SSBP3: variants seen among roughly 807,000 people sequenced by gnomAD.
SSBP3 encodes the protein single stranded DNA binding protein 3, also known as single-stranded DNA-binding protein 3.
Under a neutral mutation model 69.6 loss-of-function variants are expected in SSBP3, and 5 were observed. The observed-to-expected ratio is 0.07, with a 90% confidence interval of 0.04 to 0.15. SSBP3 has a LOEUF of 0.15. Ranked by LOEUF, SSBP3 falls within the 10% of genes least tolerant of loss-of-function variation. The pLI is 1.00. For synonymous variants in SSBP3, 196 were observed against 193.4 expected, an observed-to-expected ratio of 1.01 and a Z score of -0.11; for missense variants, 312 against 534.0, an observed-to-expected ratio of 0.58 and a Z score of 4.10.
At chr1:54,296,573 G>C (rs1294633615) in intron 4 of SSBP3, among the ~76,000 whole-genome samples, 2 of 152,198 alleles carry the variant, frequency 1.3e-5, no homozygotes, top group Non-Finnish European at 2.9e-5. Context: ...CAGCGTCAAG[G>C]GTGGCAAAGG....
chr1:54,270,570 A>G (rs1017870210), intron 5 of SSBP3, among the ~76,000 whole-genome samples: 4 of 152,222 alleles, frequency 2.6e-5, no homozygotes, highest in African/African-American at 9.6e-5. Context: ...AACCTCTTCC[A>G]CACATCAATG....
At chr1:54,268,435 A>G (rs1166703310) in intron 5 of SSBP3, among the ~76,000 whole-genome samples, 3 of 152,202 alleles carry the variant, frequency 2.0e-5, no homozygotes, top group African/African-American at 4.8e-5. Flanking sequence ...AGCTCTCCAG[A>G]CACACGGGTG....
intron 4 of SSBP3, among the ~76,000 whole-genome samples, chr1:54,389,230 T>C (rs1648304733): frequency 6.6e-6 from 1 of 152,202 alleles, no homozygotes; most frequent in African/African-American, 2.4e-5. Context: ...ACTCAATGCA[T>C]GCAATCTCTT....
At chr1:54,320,467 G>A (rs1056316983) in intron 4 of SSBP3, among the ~76,000 whole-genome samples, 9 of 144,218 alleles carry the variant, frequency 6.2e-5, no homozygotes, top group African/African-American at 1.1e-4. Context: ...ACAGGTGCCC[G>A]CCACCATGCT....
rs558278821 is a variant in SSBP3, at chr1:54,229,774, G to C, written c.928-948C>G. 5.3e-5 allele frequency among the ~76,000 whole-genome samples: 8 copies of C among 152,288 alleles called. 1 individual carries two copies. The South Asian group carries it at 1.7e-3, about 32-fold the overall frequency. On this transcript the variant is annotated intron_variant, in intron 14 of 17. Transcript: ENST00000610401. ...GGAAGGGAGTGGAGGTGGTGGAATG[G>C]AGGGCTGTTTGGCACCTGGCCGGGA...
chr1:54,328,140 C>T (rs1227480509), intron 4 of SSBP3, among the ~76,000 whole-genome samples: 9 of 152,114 alleles, frequency 5.9e-5, no homozygotes, highest in Admixed American at 5.9e-4. Flanking sequence ...CCAGGCAGAT[C>T]ACATGCAGGG....
intron 5 of SSBP3, among the ~76,000 whole-genome samples, chr1:54,273,358 G>A (rs1645229059): frequency 6.6e-6 from 1 of 152,184 alleles, no homozygotes; most frequent in Non-Finnish European, 1.5e-5. Flanking sequence ...ACGCACACAA[G>A]TCAGGGCCAC....
intron 14 of SSBP3, among the ~76,000 whole-genome samples, chr1:54,235,195 T>G (rs1037957495): frequency 1.3e-5 from 2 of 152,128 alleles, no homozygotes; most frequent in Non-Finnish European, 2.9e-5. Context: ...GGGGCTGGCT[T>G]TGGAGGACCA....
intron 4 of SSBP3, among the ~76,000 whole-genome samples, chr1:54,285,230 G>A (rs112785156): frequency 2.9e-3 from 443 of 152,264 alleles, no homozygotes; most frequent in African/African-American, 0.01. Context: ...AAAGTGTGAA[G>A]AAGAAAACGA....
At position 54,303,879 on chromosome 1, in the gene SSBP3, T is replaced by C. The variant is rs1207094496; in HGVS notation, c.277-22352A>G. Among the ~76,000 whole-genome samples, 3 of 152,220 alleles carry C rather than the reference T, an allele frequency of 2.0e-5. No homozygotes were observed. In the South Asian group the frequency reaches 6.2e-4, roughly 32 times the overall value. ...AATTAAAGTATATTACTGTAACTAATTTCGCCTATTTCTTTTTACTTTGTT... is the reference window on the plus strand; with the variant it reads ...AATTAAAGTATATTACTGTAACTAACTTCGCCTATTTCTTTTTACTTTGTT... On this transcript the variant is annotated intron_variant, in intron 4 of 17. Coordinates refer to ENST00000610401, the Ensembl canonical transcript of SSBP3.
At chr1:54,389,878 CAA>C (rs200220387) in intron 4 of SSBP3, among the ~76,000 whole-genome samples, 49 of 113,806 alleles carry the variant, frequency 4.3e-4, no homozygotes, top group Admixed American at 2.4e-4. Flanking sequence ...GACCCTGTCT[CAA>C]AAAAAAAAAT....
intron 1 of SSBP3, 143 bp downstream of exon 1, chr1:54,405,810 G>A (rs964034515): frequency 1.1e-4 from 45 of 391,588 alleles, no homozygotes; most frequent in Admixed American, 1.9e-4. Context: ...CCTCGGGGAA[G>A]GGGCCAGGCA....
rs1196455635 is a variant in SSBP3 at position 54,251,539 on chromosome 1, CAG to C, written c.651+75_651+76del. The stretch of plus-strand genomic sequence containing the variant: ...CGAACTGAGAGATGTGGGAGACTGA[CAG>C]AGCATGGAAACAGGAGAGAAGGCGG... On this transcript the variant is annotated intron_variant, in intron 9 of 17. Transcript: ENST00000610401. The C allele has an allele frequency of 4.9e-6, 7 of 1,431,448 alleles. No homozygotes were observed. In the South Asian group the frequency reaches 7.4e-5, roughly 15 times the overall value. 88.7% of individuals were successfully genotyped at this position (1,431,448 alleles called of 1,614,324 possible).
chr1:54,325,031 T>C (rs974195668), intron 4 of SSBP3, among the ~76,000 whole-genome samples: 19 of 152,326 alleles, frequency 1.2e-4, no homozygotes, highest in African/African-American at 3.8e-4. Flanking sequence ...ACCTATGTTC[T>C]CTGGCTTTCT....
At chr1:54,379,992 G>A (rs1362464072) in intron 4 of SSBP3, among the ~76,000 whole-genome samples, 8 of 152,170 alleles carry the variant, frequency 5.3e-5, no homozygotes, top group African/African-American at 1.7e-4. Flanking sequence ...GGGGACAATG[G>A]GGCTGGAGGA....
chr1:54,294,159 AAAAGAAAGAAAG>A (rs747680453), intron 4 of SSBP3, among the ~76,000 whole-genome samples: 3,385 of 83,406 alleles, frequency 0.041, 210 homozygotes, highest in Middle Eastern at 0.079. Flanking sequence ...AAAAAAAAAA[AAAAGAAAGAAAG>A]AAAGAAAGAA....
intron 4 of SSBP3, among the ~76,000 whole-genome samples, chr1:54,317,631 T>C (rs547325904): frequency 1.3e-5 from 2 of 151,894 alleles, no homozygotes; most frequent in South Asian, 4.2e-4. Context: ...TTTCCAAGTC[T>C]AGAAGTCACT....
At chr1:54,254,515 C>T (rs1161092134) in intron 7 of SSBP3, among the ~76,000 whole-genome samples, 1 of 152,196 alleles carries the variant, frequency 6.6e-6, no homozygotes, top group African/African-American at 2.4e-5. Context: ...CTCGTAAGAC[C>T]CTGAGGCCAC....
chr1:54,313,120 T>C (rs1646034380), intron 4 of SSBP3, among the ~76,000 whole-genome samples: 1 of 151,212 alleles, frequency 6.6e-6, no homozygotes, highest in Non-Finnish European at 1.5e-5. Flanking sequence ...GAGCCAGCTC[T>C]GATTTGTAGA....
Sources: gnomAD v4.1 joint callset for allele counts (sites outside exome capture counted in the v4.1 genomes callset) on GRCh38, gnomAD v4.1.1 for gene constraint, MANE v1.5 for transcripts, NCBI Gene and HGNC (gene_info 2026-07-23, HGNC 2026-07-21) for gene names.